The following MAN1C1 variants were observed in gnomAD, a reference collection of about 807,000 sequenced individuals.
MAN1C1 encodes the protein mannosidase alpha class 1C member 1, also known as mannosyl-oligosaccharide 1,2-alpha-mannosidase IC.
In MAN1C1, 49 loss-of-function variants were observed where a neutral mutation model predicts 71.5. The observed-to-expected ratio is 0.69, with a 90% CI of 0.54 to 0.87. MAN1C1 has a LOEUF of 0.87. Among genes scored for constraint, MAN1C1 ranks in the 40% least tolerant of loss-of-function variants. The pLI is 0.00. For missense variants in MAN1C1, 743 were observed against 835.0 expected (o/e 0.89, Z 1.36); for synonymous variants, 352 against 343.7 (o/e 1.02, Z -0.27).
intron 1 of MAN1C1, among the ~76,000 whole-genome samples, chr1:25,685,855 C>A (rs1389447496): frequency 6.6e-6 from 1 of 152,096 alleles, no homozygotes; most frequent in Non-Finnish European, 1.5e-5. Context: ...CAGGGCAGGT[C>A]AAAGGAGTTC....
intron 5 of MAN1C1, among the ~76,000 whole-genome samples, chr1:25,755,180 C>G (rs2047269866): frequency 6.6e-6 from 1 of 152,148 alleles, no homozygotes; most frequent in Non-Finnish European, 1.5e-5. Context: ...AGAGGCCGTT[C>G]CCTGGCAGGT....
In MAN1C1 at chr1:25,779,404, G is replaced by A. The variant is rs1010990279; in HGVS notation, c.1477+1080G>A. On this transcript the variant is annotated intron_variant, in intron 9 of 11. Coordinates refer to ENST00000374332, the MANE Select transcript of MAN1C1 (RefSeq NM_020379.4). This position sits in a 1 kb window ranked among gnomAD's most constrained non-coding sequence, Gnocchi z 4.6. ...GCTGACCGCCCATCATGATGTGTCT[G>A]TGCCCGCCCCAGCTGAATGGGGTCT... is the stretch of plus-strand genomic sequence containing the variant. Among the ~76,000 whole-genome samples the A allele has an allele frequency of 6.6e-6, 1 of 152,174 alleles. No homozygotes were observed. The highest frequency in any genetic ancestry group is 1.5e-5 in the Non-Finnish European group (1 of 68,026).
intron 1 of MAN1C1, among the ~76,000 whole-genome samples, chr1:25,657,105 G>A (rs979873723): frequency 1.4e-4 from 21 of 152,196 alleles, no homozygotes; most frequent in African/African-American, 4.1e-4. Context: ...GATTACAGGC[G>A]TGAGCCACCG....
At position 25,711,058 on chromosome 1, in the gene MAN1C1, A is replaced by G. The variant is rs1007306096; in HGVS notation, c.637+24522A>G. On this transcript the variant is annotated intron_variant, in intron 2 of 11. Coordinates refer to ENST00000374332, the MANE Select transcript of MAN1C1 (RefSeq NM_020379.4). This position sits in a 1 kb window ranked among gnomAD's most constrained non-coding sequence, Gnocchi z 4.3. ...TTTCTTGAGTCTGTGGGTCTTAGCTAGGCCAGGATTGGTCTAGGATGGCTT... is the reference window on the plus strand; with the variant it reads ...TTTCTTGAGTCTGTGGGTCTTAGCTGGGCCAGGATTGGTCTAGGATGGCTT... Among the ~76,000 whole-genome samples the G allele has an allele frequency of 5.9e-5, 9 of 152,350 alleles. No individual in the cohort carries two copies. The highest frequency in any genetic ancestry group is 2.2e-4 in the African/African-American group (9 of 41,580).
chr1:25,672,706 A>G (rs2046009115), intron 1 of MAN1C1, among the ~76,000 whole-genome samples: 1 of 152,160 alleles, frequency 6.6e-6, no homozygotes, highest in South Asian at 2.1e-4. Flanking sequence ...CCTTAATTCC[A>G]TCTTACCTTG....
At chr1:25,704,866 G>A (rs1409429078) in intron 2 of MAN1C1, among the ~76,000 whole-genome samples, 1 of 152,234 alleles carries the variant, frequency 6.6e-6, no homozygotes. Context: ...GTTGGTTTCC[G>A]TGGGACGGAG....
rs756353373 is a variant in MAN1C1, at chr1:25,782,559, TTCC to T, written c.1651-17_1651-15del. 4.5e-6 allele frequency: 7 copies of T among 1,543,000 alleles called. No homozygotes were observed. The highest frequency in any genetic ancestry group is 6.3e-6 in the Non-Finnish European group (7 of 1,115,308). On this transcript the variant is annotated intron_variant, in intron 10 of 11. Coordinates refer to ENST00000374332, the MANE Select transcript of MAN1C1 (RefSeq NM_020379.4). This position sits in a 1 kb window ranked among gnomAD's most constrained non-coding sequence, Gnocchi z 4.4. ...TTTCCTGTCCCGTGTTAAGGCTGTTTTCCTCCTCCTCTTCCCCTTCCTCAGGCC... is the reference window on the plus strand; with the variant it reads ...TTTCCTGTCCCGTGTTAAGGCTGTTTTCCTCCTCTTCCCCTTCCTCAGGCC...
Position 25,618,310 on chromosome 1 carries a change from G to A in MAN1C1, c.513G>A (p.Val171=). 6.9e-6 allele frequency: 11 copies of A among 1,602,642 alleles called. No homozygotes were observed. Among genetic ancestry groups the A allele is most frequent in the Non-Finnish European group, 9.4e-6 (11 of 1,176,460 alleles). ...ADESQEPQSQ[V]RAQREKIKEM... ...AGAGTCAGGAGCCCCAGAGCCAAGTGCGAGCCCAGCGGGAGAAAATCAAGG... is the reference window on the plus strand; with the variant it reads ...AGAGTCAGGAGCCCCAGAGCCAAGTACGAGCCCAGCGGGAGAAAATCAAGG... Residue 171 remains valine (V), a synonymous_variant, in exon 1 of 12, where the codon GTG becomes GTA. Transcript: ENST00000374332.
intron 1 of MAN1C1, among the ~76,000 whole-genome samples, chr1:25,619,716 G>T (rs1056538607): frequency 6.6e-6 from 1 of 152,148 alleles, no homozygotes; most frequent in Non-Finnish European, 1.5e-5. Flanking sequence ...GCTGGAACTT[G>T]CAGTAGCTAA....
Position 25,783,838 on chromosome 1 carries a change from T to A in MAN1C1, c.*49T>A, listed in dbSNP as rs2047732117. The A allele has an allele frequency of 6.3e-7, 1 of 1,591,852 alleles. No individual in the cohort carries two copies. The highest frequency in any genetic ancestry group is 1.7e-5 in the Admixed American group (1 of 59,102). ...GGGCCGCCGCAGGGATGCCTTGCCTTTTCAGGATTTGAGACTGTTCTCAAA... is the reference window on the plus strand; with the variant it reads ...GGGCCGCCGCAGGGATGCCTTGCCTATTCAGGATTTGAGACTGTTCTCAAA... On this transcript the variant is annotated 3_prime_UTR_variant, in exon 12 of 12. Transcript: ENST00000374332.
chr1:25,712,788 G>A (rs112421215), intron 2 of MAN1C1, among the ~76,000 whole-genome samples: 2 of 152,162 alleles, frequency 1.3e-5, no homozygotes, highest in African/African-American at 2.4e-5. Context: ...CCTGCATGGC[G>A]GTGGGCATCG....
At chr1:25,741,989 GCT>G (rs2047068769) in intron 2 of MAN1C1, among the ~76,000 whole-genome samples, 1 of 152,200 alleles carries the variant, frequency 6.6e-6, no homozygotes. Flanking sequence ...ACCTCAAGGG[GCT>G]CACAGTCTAG....
At chr1:25,732,054 G>T (rs1026040567) in intron 2 of MAN1C1, among the ~76,000 whole-genome samples, 2 of 152,124 alleles carry the variant, frequency 1.3e-5, no homozygotes, top group Non-Finnish European at 2.9e-5. Context: ...GGGATCAGTG[G>T]TGGGGCCCAG....
chr1:25,655,979 G>A (rs1373876180), intron 1 of MAN1C1, among the ~76,000 whole-genome samples: 4 of 152,062 alleles, frequency 2.6e-5, no homozygotes, highest in African/African-American at 9.7e-5. Flanking sequence ...TGTGAGTGAG[G>A]GAGTGAGTAT....
intron 1 of MAN1C1, among the ~76,000 whole-genome samples, chr1:25,639,119 A>G (rs1035097086): frequency 2.6e-5 from 4 of 152,072 alleles, no homozygotes; most frequent in Non-Finnish European, 5.9e-5. Flanking sequence ...ACGCTTCTGT[A>G]ATGTACAATA....
rs539807075 is a variant in MAN1C1 at position 25,754,027 on chromosome 1, G to A, written c.929+449G>A. ...GCACATCACACCATCCTCCTCCCACGAGGAGGTCCCTGAAGCTGCTAGGAG... is the reference window on the plus strand; with the variant it reads ...GCACATCACACCATCCTCCTCCCACAAGGAGGTCCCTGAAGCTGCTAGGAG... On this transcript the variant is annotated intron_variant, in intron 5 of 11. Coordinates refer to ENST00000374332, the MANE Select transcript of MAN1C1 (RefSeq NM_020379.4). 9.9e-4 allele frequency among the ~76,000 whole-genome samples: 150 copies of A among 152,180 alleles called. 4 individuals carry two copies. In the South Asian group the frequency reaches 0.03, roughly 31 times the overall value.
intron 2 of MAN1C1, among the ~76,000 whole-genome samples, chr1:25,706,880 T>TG (rs1330705563): frequency 3.3e-5 from 5 of 152,142 alleles, no homozygotes; most frequent in African/African-American, 1.2e-4. Flanking sequence ...GCCTGTGCCA[T>TG]GGGGAACAGG....
chr1:25,684,250 T>TAA (rs2046197171), intron 1 of MAN1C1, among the ~76,000 whole-genome samples: 2 of 151,670 alleles, frequency 1.3e-5, no homozygotes, highest in Admixed American at 1.3e-4. Context: ...TAAGAGAGAC[T>TAA]GAAGGAGGAG....
chr1:25,758,738 C>T (rs369802552), intron 6 of MAN1C1, 29 bp downstream of exon 6: 67 of 1,580,484 alleles, frequency 4.2e-5, no homozygotes, highest in Middle Eastern at 1.7e-4. Flanking sequence ...CTTCTTCCTG[C>T]GGAGCAGAGG....
Sources: gnomAD v4.1 joint callset for allele counts (sites outside exome capture counted in the v4.1 genomes callset) on GRCh38, gnomAD v4.1.1 for gene constraint, Gnocchi (gnomAD v3.1) non-coding constraint, MANE v1.5 for transcripts, NCBI Gene and HGNC (gene_info 2026-07-23, HGNC 2026-07-21) for gene names.